PCDH19: variants seen among roughly 807,000 people sequenced by gnomAD.
PCDH19 encodes the protein protocadherin 19, also known as protocadherin-19.
In PCDH19, 6 loss-of-function variants were observed where a neutral mutation model predicts 46.2. That is an observed-to-expected ratio of 0.13 (90% CI 0.07 to 0.26). The LOEUF is 0.26. PCDH19 is among the 10% of genes least tolerant of loss of function. The probability of loss-of-function intolerance (pLI) is 1.00; values close to 1 mark genes in which losing one functional copy is unlikely to be tolerated. For synonymous variants in PCDH19, 481 were observed against 415.7 expected (o/e 1.16, Z -1.91); for missense variants, 740 against 972.3 (o/e 0.76, Z 3.18).
At chrX:100,302,913 C>T (rs934094016) in intron 5 of PCDH19, among the ~76,000 whole-genome samples, 2 of 111,536 alleles carry the variant, frequency 1.8e-5, no homozygotes, top group Admixed American at 9.5e-5. Context: ...TATTGGTCAA[C>T]GCCCCAGATA....
intron 3 of PCDH19, among the ~76,000 whole-genome samples, chrX:100,354,936 G>C (rs1296773566): frequency 1.8e-5 from 2 of 109,631 alleles, no homozygotes; most frequent in Non-Finnish European, 3.8e-5. Flanking sequence ...AAACCTAATT[G>C]TCACATTAAA....
At chrX:100,357,412 G>C (rs1442144931) in intron 3 of PCDH19, among the ~76,000 whole-genome samples, 1 of 111,846 alleles carries the variant, frequency 8.9e-6, no homozygotes, top group Non-Finnish European at 1.9e-5. Context: ...AACGTTCTTA[G>C]AAATAGCCCA....
In PCDH19 at chrX:100,296,426, T is replaced by C; in HGVS notation, c.3298A>G (p.Asn1100Asp). 2.5e-6 allele frequency: 3 copies of C among 1,211,202 alleles called. No individual in the cohort carries two copies. Among genetic ancestry groups the C allele is most frequent in the Non-Finnish European group, 3.4e-6 (3 of 895,304 alleles). Residue 1100 changes from asparagine to aspartate, a missense_variant, in exon 6 of 6, where the codon AAT becomes GAT. Coordinates refer to ENST00000373034, the MANE Select transcript of PCDH19 (RefSeq NM_001184880.2). ...GGACGAGTAGGGCCATTGTTGACAT[T>C]GTTGACATACTGCTCCAGATCACGG... ...PARDLEQYVN[N>D]VNNGPTRPSE...
At chrX:100,400,920 A>G (rs1928159676) in intron 3 of PCDH19, among the ~76,000 whole-genome samples, 1 of 111,493 alleles carries the variant, frequency 9.0e-6, no homozygotes, top group Non-Finnish European at 1.9e-5. Flanking sequence ...TGTCACTGAA[A>G]TCACATTTGC....
At chrX:100,313,380 A>C (rs748127897) in intron 5 of PCDH19, among the ~76,000 whole-genome samples, 1 of 111,759 alleles carries the variant, frequency 8.9e-6, no homozygotes, top group South Asian at 3.7e-4. Context: ...TCAAGCCTGC[A>C]TGATTTCCAT....
chrX:100,299,394 T>C (rs1924708971), intron 5 of PCDH19, among the ~76,000 whole-genome samples: 2 of 111,773 alleles, frequency 1.8e-5, no homozygotes, highest in Admixed American at 9.5e-5. Context: ...GACTGTCCTC[T>C]AATTTTGAGA....
At chrX:100,357,133 T>C (rs978754251) in intron 3 of PCDH19, among the ~76,000 whole-genome samples, 11 of 111,582 alleles carry the variant, frequency 9.9e-5, no homozygotes, top group African/African-American at 2.9e-4. Context: ...CCAGAGATGA[T>C]CAAAATGTCA....
At chrX:100,325,897 CCCAAGCCCTACTTT>C (rs1489540924) in intron 5 of PCDH19, among the ~76,000 whole-genome samples, 1 of 111,812 alleles carries the variant, frequency 8.9e-6, no homozygotes, top group Non-Finnish European at 1.9e-5. Flanking sequence ...TACATGTCTC[CCCAAGCCCTACTTT>C]CCAATAGGAT....
At chrX:100,329,806 G>A (rs1412240306) in intron 5 of PCDH19, among the ~76,000 whole-genome samples, 2 of 111,290 alleles carry the variant, frequency 1.8e-5, no homozygotes, top group Admixed American at 9.5e-5. Context: ...CAGCTACTTG[G>A]GAGGCTGAGG....
chrX:100,407,917 C>T lies in PCDH19; in HGVS notation c.681G>A (p.Lys227=), dbSNP rs779158047. Residue 227 remains lysine, a synonymous_variant, in exon 1 of 6, where the codon AAG becomes AAA. Coordinates refer to ENST00000373034, the MANE Select transcript of PCDH19 (RefSeq NM_001184880.2). ...GGTTGTTGTCATTGGAGTCGGTCAC[C>T]TTGATACTAAGGCCAACGGTGCCCA... The part of the protein sequence containing the change: ...PRLGTVGLSI[K]VTDSNDNNPV... 3 of 1,210,955 alleles carry T rather than the reference C, an allele frequency of 2.5e-6. No homozygotes were observed. In the African/African-American group the frequency reaches 5.2e-5, roughly 21 times the overall value.
intron 3 of PCDH19, among the ~76,000 whole-genome samples, chrX:100,377,312 A>C (rs1927415973): frequency 9.0e-6 from 1 of 111,667 alleles, no homozygotes; most frequent in African/African-American, 3.3e-5. Flanking sequence ...GAATGGTGGC[A>C]ATAATGGCAT....
intron 3 of PCDH19, among the ~76,000 whole-genome samples, chrX:100,363,618 TA>T (rs1297729965): frequency 3.3e-5 from 1 of 30,583 alleles, no homozygotes; most frequent in Non-Finnish European, 7.3e-5. Context: ...GGAAGTTTTA[TA>T]TATATATATA....
At chrX:100,385,831 T>C (rs1049998229) in intron 3 of PCDH19, among the ~76,000 whole-genome samples, 1 of 110,856 alleles carries the variant, frequency 9.0e-6, no homozygotes, top group African/African-American at 3.3e-5. Flanking sequence ...GAGGCAGAGT[T>C]TGCAGTGAGC....
Position 100,353,068 on chromosome X carries a change from T to C in PCDH19, c.2617-2364A>G, listed in dbSNP as rs752817567. ...TCCAAAGGAGAATTTCAGCTGCATT[T>C]ATCAGACCCATGACAGGAATGGTGG... On this transcript the variant is annotated intron_variant, in intron 3 of 5. Coordinates refer to ENST00000373034, the MANE Select transcript of PCDH19 (RefSeq NM_001184880.2). Among the ~76,000 whole-genome samples the C allele has an allele frequency of 4.5e-5, 5 of 111,960 alleles. No individual in the cohort carries two copies. In the East Asian group the frequency reaches 8.5e-4, roughly 19 times the overall value.
In PCDH19 at chrX:100,409,294, C is replaced by G. The variant is rs938192675; in HGVS notation, c.-697G>C. 9.0e-6 allele frequency: 1 copy of G among 111,503 alleles called. No individual in the cohort carries two copies. Among genetic ancestry groups the G allele is most frequent in the African/African-American group, 3.3e-5 (1 of 30,549 alleles). 9.2% of individuals were successfully genotyped at this position (111,503 alleles called of 1,213,427 possible). On this transcript the variant is annotated 5_prime_UTR_variant, in exon 1 of 6. Coordinates refer to ENST00000373034, the MANE Select transcript of PCDH19 (RefSeq NM_001184880.2). Reference sequence around the variant, plus strand: ...CGGGCACCCGGTTATAGGGTTGAGTCGGATGGCGGTCCCGGGGCCAGCAGA... The same window carrying G: ...CGGGCACCCGGTTATAGGGTTGAGTGGGATGGCGGTCCCGGGGCCAGCAGA...
At chrX:100,403,072 C>T (rs369704965) in intron 2 of PCDH19, among the ~76,000 whole-genome samples, 1 of 110,999 alleles carries the variant, frequency 9.0e-6, no homozygotes, top group Non-Finnish European at 1.9e-5. Flanking sequence ...ACCAACCCCC[C>T]CTAAAAAAGT....
rs73248480 is a variant in PCDH19 at position 100,344,031 on chromosome X, C to T, written c.2676-1956G>A. ...ATATGACCAACCTAGATGTAGAATGCTTGCTGACCTGAATATAAAAAGGAA... is the reference window on the plus strand; with the variant it reads ...ATATGACCAACCTAGATGTAGAATGTTTGCTGACCTGAATATAAAAAGGAA... On this transcript the variant is annotated intron_variant, in intron 4 of 5. Coordinates refer to ENST00000373034, the MANE Select transcript of PCDH19 (RefSeq NM_001184880.2). Among the ~76,000 whole-genome samples, 812 of 111,965 alleles carry T rather than the reference C, an allele frequency of 7.3e-3. 3 individuals carry two copies. Among genetic ancestry groups the T allele is most frequent in the Non-Finnish European group, 0.011 (582 of 53,195 alleles).
intron 5 of PCDH19, among the ~76,000 whole-genome samples, chrX:100,334,108 G>C (rs1312953521): frequency 9.0e-6 from 1 of 110,871 alleles, no homozygotes; most frequent in Non-Finnish European, 1.9e-5. Flanking sequence ...GTAATTATTA[G>C]TAATAATAAA....
chrX:100,405,824 G>T (rs1265170080), intron 1 of PCDH19, among the ~76,000 whole-genome samples: 26 of 112,088 alleles, frequency 2.3e-4, no homozygotes, highest in Admixed American at 2.2e-3. Flanking sequence ...ACAGATGCCT[G>T]ATAGAATTTC....
Sources: allele counts gnomAD v4.1 joint callset (sites outside exome capture counted in the v4.1 genomes callset), GRCh38; gene constraint gnomAD v4.1.1; transcripts MANE v1.5; gene names NCBI Gene and HGNC (gene_info 2026-07-23, HGNC 2026-07-21).